The following RBFOX1 variants were observed in gnomAD, a reference collection of about 807,000 sequenced individuals.
RBFOX1 encodes the protein RNA binding protein fox-1 homolog 1.
Under a neutral mutation model 57.7 loss-of-function variants are expected in RBFOX1, and 8 were observed. The observed-to-expected ratio is 0.14, with a 90% confidence interval of 0.08 to 0.25. The LOEUF (loss-of-function observed/expected upper bound fraction) is 0.25, where lower values mean the gene tolerates loss of function less well. Ranked by LOEUF, RBFOX1 falls within the 10% of genes least tolerant of loss-of-function variation. RBFOX1 has a pLI of 1.00. For synonymous variants in RBFOX1, 326 were observed against 222.4 expected (o/e 1.47, Z -4.15); for missense variants, 611 against 548.5 (o/e 1.11, Z -1.14).
chr16:6,985,888 G>A (rs1294712679), intron 3 of RBFOX1, among the ~76,000 whole-genome samples: 2 of 103,604 alleles, frequency 1.9e-5, no homozygotes, highest in Non-Finnish European at 4.0e-5. Context: ...TTCTTTTTTT[G>A]CAGGACTTCT....
At chr16:5,591,370 G>A (rs764319433) in intron 2 of RBFOX1, among the ~76,000 whole-genome samples, 6 of 151,552 alleles carry the variant, frequency 4.0e-5, no homozygotes, top group Admixed American at 1.3e-4. Flanking sequence ...TCCTGCCTCA[G>A]CCTCCCTAGT....
intron 4 of RBFOX1, among the ~76,000 whole-genome samples, chr16:7,138,605 AC>A (rs533261549): frequency 7.9e-5 from 12 of 152,094 alleles, no homozygotes; most frequent in Non-Finnish European, 1.8e-4. Context: ...AGGAAATGTA[AC>A]CCCCCATTAT....
At chr16:5,819,435 A>G (rs1298496885) in intron 3 of RBFOX1, among the ~76,000 whole-genome samples, 2 of 152,060 alleles carry the variant, frequency 1.3e-5, no homozygotes, top group South Asian at 2.1e-4. Flanking sequence ...GCTTCCATCT[A>G]TGCTCTGCTT....
intron 2 of RBFOX1, among the ~76,000 whole-genome samples, chr16:5,509,053 A>G (rs2043485277): frequency 1.3e-5 from 2 of 152,192 alleles, no homozygotes; most frequent in African/African-American, 4.8e-5. Context: ...GTTGGACACT[A>G]GCTGTGTCTC....
intron 3 of RBFOX1, among the ~76,000 whole-genome samples, chr16:6,855,593 C>T (rs538699916): frequency 6.8e-5 from 10 of 147,850 alleles, no homozygotes; most frequent in African/African-American, 2.3e-4. Context: ...GTGGAGCTTG[C>T]AGTGAGCCTG....
chr16:6,769,743 C>G (rs957398629), intron 3 of RBFOX1, among the ~76,000 whole-genome samples: 10 of 152,192 alleles, frequency 6.6e-5, no homozygotes, highest in East Asian at 1.9e-4. Context: ...AATTTGGGTA[C>G]AAATCTAACA....
intron 13 of RBFOX1, among the ~76,000 whole-genome samples, chr16:7,671,842 A>G (rs1197794911): frequency 6.6e-6 from 1 of 152,222 alleles, no homozygotes; most frequent in African/African-American, 2.4e-5. Context: ...TGTTTCCATG[A>G]CTGAGTGCTG....
chr16:6,326,177 T>G (rs2082346898), intron 2 of RBFOX1, among the ~76,000 whole-genome samples: 1 of 152,250 alleles, frequency 6.6e-6, no homozygotes, highest in South Asian at 2.1e-4. Context: ...GAAGTCAACA[T>G]GCTTATCTTG....
intron 1 of RBFOX1, among the ~76,000 whole-genome samples, chr16:6,106,126 G>T (rs184010211): frequency 2.6e-5 from 4 of 152,132 alleles, no homozygotes; most frequent in Admixed American, 1.3e-4. Flanking sequence ...ACAATATTAA[G>T]GATTGAAATT....
intron 3 of RBFOX1, among the ~76,000 whole-genome samples, chr16:6,685,820 A>G (rs77381152): frequency 0.034 from 5,228 of 152,244 alleles, 118 homozygotes; most frequent in Middle Eastern, 0.075. Context: ...TGTTTTCATT[A>G]TGTCATGAAA....
At chr16:6,804,413 C>G (rs901307165) in intron 3 of RBFOX1, among the ~76,000 whole-genome samples, 6 of 152,128 alleles carry the variant, frequency 3.9e-5, no homozygotes, top group African/African-American at 1.2e-4. Flanking sequence ...TGCAGTATTT[C>G]AGGTCAACAA....
At chr16:7,496,832 T>C (rs2068828041) in intron 4 of RBFOX1, among the ~76,000 whole-genome samples, 1 of 151,636 alleles carries the variant, frequency 6.6e-6, no homozygotes, top group South Asian at 2.1e-4. Context: ...TAGAATCCTA[T>C]TTAAATACAA....
intron 4 of RBFOX1, among the ~76,000 whole-genome samples, chr16:7,464,115 T>A (rs1049957515): frequency 1.3e-5 from 2 of 152,142 alleles, no homozygotes. Context: ...ACATTGCCAC[T>A]CCCTTCTGGT....
intron 1 of RBFOX1, among the ~76,000 whole-genome samples, chr16:6,228,865 C>T (rs1238749712): frequency 6.6e-6 from 1 of 152,128 alleles, no homozygotes; most frequent in Non-Finnish European, 1.5e-5. Flanking sequence ...AGCCATTCCA[C>T]ATGTATACAT....
intron 1 of RBFOX1, among the ~76,000 whole-genome samples, chr16:5,275,383 A>T (rs2063116477): frequency 6.6e-6 from 1 of 152,256 alleles, no homozygotes; most frequent in Non-Finnish European, 1.5e-5. Flanking sequence ...ACAAATCAGT[A>T]GCAGTGCTAT....
chr16:7,169,393 G>A (rs2080229383), intron 4 of RBFOX1, among the ~76,000 whole-genome samples: 1 of 152,206 alleles, frequency 6.6e-6, no homozygotes, highest in South Asian at 2.1e-4. Context: ...GCCAGGGGTT[G>A]GGGGATCCAC....
At chr16:5,714,635 A>G (rs566160728) in intron 3 of RBFOX1, among the ~76,000 whole-genome samples, 2 of 152,316 alleles carry the variant, frequency 1.3e-5, no homozygotes, top group African/African-American at 4.8e-5. Context: ...TACAAGAAAG[A>G]TGTGCTTAGT....
At chr16:7,276,454 T>C (rs1008679124) in intron 4 of RBFOX1, among the ~76,000 whole-genome samples, 1 of 152,198 alleles carries the variant, frequency 6.6e-6, no homozygotes, top group Non-Finnish European at 1.5e-5. Flanking sequence ...AAAATACCAT[T>C]AGTTTTTCTT....
At chr16:6,142,340 G>A (rs1047115260) in intron 1 of RBFOX1, among the ~76,000 whole-genome samples, 1 of 149,618 alleles carries the variant, frequency 6.7e-6, no homozygotes, top group African/African-American at 2.5e-5. Context: ...TCCTGTCTCA[G>A]CCTCCCGAGT....
Sources: allele counts gnomAD v4.1 joint callset (sites outside exome capture counted in the v4.1 genomes callset), GRCh38; gene constraint gnomAD v4.1.1; transcripts MANE v1.5; gene names NCBI Gene and HGNC (gene_info 2026-07-23, HGNC 2026-07-21).